Variants in KHNYN observed in about 807,000 individuals in gnomAD.
KHNYN encodes the protein protein KHNYN.
In KHNYN, 42 loss-of-function variants were observed where a neutral mutation model predicts 62.7. That is an observed-to-expected ratio of 0.67 (90% CI 0.52 to 0.87). The LOEUF (loss-of-function observed/expected upper bound fraction) is 0.87. KHNYN is among the 40% of genes least tolerant of loss of function. KHNYN has a pLI of 0.00. For synonymous variants in KHNYN, 347 were observed against 345.6 expected (o/e 1.00, Z -0.04); for missense variants, 829 against 874.1 (o/e 0.95, Z 0.65).
At position 24,436,436 on chromosome 14, in the gene KHNYN, C is replaced by T; in HGVS notation, c.1734C>T (p.Asp578=). The stretch of plus-strand genomic sequence containing the variant: ...GAAACCTCTTCATGGTACCTGATGA[C>T]CCACTGGGGCGAAACGGCCCCACCC... ...FVGNLFMVPD[D]PLGRNGPTLD... Residue 578 remains aspartate, a synonymous_variant, in exon 7 of 8, where the codon GAC becomes GAT. Coordinates refer to ENST00000553935, the MANE Select transcript of KHNYN (RefSeq NM_015299.3). 1 of 1,613,844 alleles carries T rather than the reference C, an allele frequency of 6.2e-7. No individual in the cohort carries two copies. The highest frequency in any genetic ancestry group is 8.5e-7 in the Non-Finnish European group (1 of 1,179,924).
In KHNYN at chr14:24,440,844, G is replaced by C; in HGVS notation, c.*3559G>C. On this transcript the variant is annotated 3_prime_UTR_variant, in exon 8 of 8. Coordinates refer to ENST00000553935, the MANE Select transcript of KHNYN (RefSeq NM_015299.3). ...GAAGCCTGGCTGCAGCTTCCCATTT[G>C]GTTACGAGGTTGGAGAAAAAGTCAA... 3 of 1,613,964 alleles carry C rather than the reference G, an allele frequency of 1.9e-6. No homozygotes were observed. The highest frequency in any genetic ancestry group is 2.5e-6 in the Non-Finnish European group (3 of 1,179,862).
chr14:24,440,578 C>A lies in KHNYN; in HGVS notation c.*3293C>A. On this transcript the variant is annotated 3_prime_UTR_variant, in exon 8 of 8. Coordinates refer to ENST00000553935, the MANE Select transcript of KHNYN (RefSeq NM_015299.3). Reference sequence around the variant, plus strand: ...CTCCTGGTTTCTGTTTCCCCTTCCTCACTCTCCCCATGCTGACTTGGCTCT... The same window carrying A: ...CTCCTGGTTTCTGTTTCCCCTTCCTAACTCTCCCCATGCTGACTTGGCTCT... The A allele has an allele frequency of 6.8e-7, 1 of 1,476,212 alleles. No individual in the cohort carries two copies. The allele number at this position is 1,476,212 out of a possible 1,614,324, so 91.4% of individuals were successfully genotyped here.
upstream of KHNYN, chr14:24,427,604 C>T: frequency 1.6e-6 from 1 of 629,256 alleles, no homozygotes. The surrounding 1 kb of genome is among the most constrained non-coding windows in gnomAD (Gnocchi z 4.4). Flanking sequence ...GGTGGAAAGG[C>T]CTGGTCTGGA....
Position 24,439,117 on chromosome 14 carries a change from T to C in KHNYN, c.*1832T>C, listed in dbSNP as rs2043252535. The C allele has an allele frequency of 3.3e-5, 5 of 152,156 alleles. No individual in the cohort carries two copies. The highest frequency in any genetic ancestry group is 3.3e-4 in the Admixed American group (5 of 15,264). 9.4% of individuals were successfully genotyped at this position (152,156 alleles called of 1,614,324 possible). On this transcript the variant is annotated 3_prime_UTR_variant, in exon 8 of 8. Coordinates refer to ENST00000553935, the MANE Select transcript of KHNYN (RefSeq NM_015299.3). Reference sequence around the variant, plus strand: ...TGAACTGGTGGCTGGGGGAACTGTGTCTGGTCAAGTTATGGCAGATGTCAC... The same window carrying C: ...TGAACTGGTGGCTGGGGGAACTGTGCCTGGTCAAGTTATGGCAGATGTCAC...
chr14:24,441,420 G>C lies in KHNYN; in HGVS notation c.*4135G>C. 2.0e-6 allele frequency: 1 copy of C among 504,042 alleles called. No individual in the cohort carries two copies. The highest frequency in any genetic ancestry group is 3.5e-6 in the Non-Finnish European group (1 of 288,054). 31.2% of individuals were successfully genotyped at this position (504,042 alleles called of 1,614,324 possible). The stretch of plus-strand genomic sequence containing the variant: ...GGAACTCTGTTCCTAAAGAACTATG[G>C]TGTGAGAAGTAAGGGACTTTGGGAT... On this transcript the variant is annotated 3_prime_UTR_variant, in exon 8 of 8. Coordinates refer to ENST00000553935, the MANE Select transcript of KHNYN (RefSeq NM_015299.3).
At position 24,440,307 on chromosome 14, in the gene KHNYN, G is replaced by A. The variant is rs1199560993; in HGVS notation, c.*3022G>A. ...AACTCAGCATTAGTGGCGGAGGATG[G>A]AGCCACTCCATTCAGGACCCCGTGC... On this transcript the variant is annotated 3_prime_UTR_variant, in exon 8 of 8. Coordinates refer to ENST00000553935, the MANE Select transcript of KHNYN (RefSeq NM_015299.3). 7 of 1,614,016 alleles carry A rather than the reference G, an allele frequency of 4.3e-6. No individual in the cohort carries two copies. The highest frequency in any genetic ancestry group is 5.9e-6 in the Non-Finnish European group (7 of 1,179,880).
upstream of KHNYN, chr14:24,427,487 C>T: frequency 2.8e-6 from 1 of 360,518 alleles, no homozygotes; most frequent in South Asian, 2.8e-5. This position sits in a 1 kb window ranked among gnomAD's most constrained non-coding sequence, Gnocchi z 4.4. Context: ...GGAGCAGAGG[C>T]CGCAAAGTAG....
Position 24,432,739 on chromosome 14 carries a change from A to G in KHNYN, c.1367A>G (p.Tyr456Cys). 4 of 1,614,094 alleles carry G rather than the reference A, an allele frequency of 2.5e-6. No individual in the cohort carries two copies. The South Asian group carries it at 3.3e-5, about 13-fold the overall frequency. The change falls in exon 4 of 8, where the codon TAC (tyrosine) becomes TGC (cysteine). Residue 456 changes from tyrosine to cysteine, a missense_variant. This residue lies in a region of KHNYN where 270 missense variants were observed against 347.1 expected (regional missense o/e 0.78). Coordinates refer to ENST00000553935, the MANE Select transcript of KHNYN (RefSeq NM_015299.3). The surrounding 1 kb of genome is among the most constrained non-coding windows in gnomAD (Gnocchi z 5.6). ...NVAMVHGLQH[Y>C]FSSRGIAIAV... ...CACTACAGGCATGGCCTCCAGCACT[A>G]CTTCTCCAGCCGGGGCATTGCCATT... is the stretch of plus-strand genomic sequence containing the variant.
chr14:24,440,042 A>G lies in KHNYN; in HGVS notation c.*2757A>G, dbSNP rs769317248. On this transcript the variant is annotated 3_prime_UTR_variant, in exon 8 of 8. Transcript: ENST00000553935. ...GCCTATTCACAGTGCCTAACCTGGA[A>G]GCCTGTGAGGAACAGGCCTCAGGCC... The G allele has an allele frequency of 2.6e-6, 4 of 1,512,878 alleles. No individual in the cohort carries two copies. The highest frequency in any genetic ancestry group is 2.7e-6 in the Non-Finnish European group (3 of 1,118,414). 93.7% of individuals were successfully genotyped at this position (1,512,878 alleles called of 1,614,324 possible).
upstream of KHNYN, chr14:24,428,969 G>GC: frequency 6.4e-7 from 1 of 1,551,100 alleles, no homozygotes; most frequent in South Asian, 1.2e-5. Flanking sequence ...GGCCCACCCG[G>GC]CCCCCAGGGC....
chr14:24,434,149 A>C, intron 5 of KHNYN: 1 of 985,134 alleles, frequency 1.0e-6, no homozygotes. Context: ...ACCTGCATTG[A>C]AACAGAATTG....
In KHNYN at chr14:24,432,573, C is replaced by T. The variant is rs140002496; in HGVS notation, c.1312C>T (p.Arg438Cys). The change falls in exon 3 of 8, where the codon CGC becomes TGC. Residue 438 changes from arginine (R) to cysteine (C), a missense_variant. Arg to Cys is a radical substitution (Grantham distance 180). Transcript: ENST00000553935. The surrounding 1 kb of genome is among the most constrained non-coding windows in gnomAD (Gnocchi z 5.6). ...CAATGTGCCTGGCCAGCCAGACCTC[C>T]GCCATATTGTCATTGACGGCAGCAA... Reference protein sequence around the residue: ...LANVPGQPDLRHIVIDGSNVA... With the variant: ...LANVPGQPDLCHIVIDGSNVA... 27 of 1,608,724 alleles carry T rather than the reference C, an allele frequency of 1.7e-5. No homozygotes were observed. Among genetic ancestry groups the T allele is most frequent in the African/African-American group, 1.6e-4 (12 of 74,972 alleles).
chr14:24,435,950 C>A, intron 5 of KHNYN, 122 bp from the exon 6 acceptor site: 1 of 737,960 alleles, frequency 1.4e-6, no homozygotes, highest in Non-Finnish European at 2.4e-6. Flanking sequence ...AGTTTTGCTA[C>A]ATAGATATAT....
intron 1 of KHNYN, 125 bp downstream of exon 1, chr14:24,430,244 C>A: frequency 1.2e-6 from 1 of 808,968 alleles, no homozygotes; most frequent in Non-Finnish European, 1.5e-6. Context: ...CCCCTGGGCC[C>A]TGGGCGGTGC....
chr14:24,432,902 T>G lies in KHNYN; in HGVS notation c.1481-34T>G. The G allele has an allele frequency of 6.2e-7, 1 of 1,614,228 alleles. No individual in the cohort carries two copies. The highest frequency in any genetic ancestry group is 8.5e-7 in the Non-Finnish European group (1 of 1,180,040). On this transcript the variant is annotated intron_variant, in intron 4 of 7. Coordinates refer to ENST00000553935, the MANE Select transcript of KHNYN (RefSeq NM_015299.3). The surrounding 1 kb of genome is among the most constrained non-coding windows in gnomAD (Gnocchi z 5.6). ...TCCCAGGATAGGCTCTGTTTCCACT[T>G]TGAGGAGAACCCTATTATGTTCTTT...
chr14:24,428,812 G>T, upstream of KHNYN: 1 of 1,611,698 alleles, frequency 6.2e-7, no homozygotes, highest in South Asian at 1.1e-5. Context: ...CTGGCTCATG[G>T]TGGTGGCTTC....
In KHNYN at chr14:24,440,049, G is replaced by A; in HGVS notation, c.*2764G>A. ...CACAGTGCCTAACCTGGAAGCCTGTGAGGAACAGGCCTCAGGCCCTTGCCA... is the reference window on the plus strand; with the variant it reads ...CACAGTGCCTAACCTGGAAGCCTGTAAGGAACAGGCCTCAGGCCCTTGCCA... On this transcript the variant is annotated 3_prime_UTR_variant, in exon 8 of 8. Coordinates refer to ENST00000553935, the MANE Select transcript of KHNYN (RefSeq NM_015299.3). The A allele has an allele frequency of 2.0e-6, 3 of 1,534,448 alleles. No individual in the cohort carries two copies. In the South Asian group the frequency reaches 3.7e-5, roughly 19 times the overall value.
rs141900732 is a variant in KHNYN at position 24,436,189 on chromosome 14, C to G, written c.1685+10C>G. ...CAATCATCAGAGAACGGTGAGGGAG[C>G]CCTCCCGCTGAGAACTGGGCACAGA... On this transcript the variant is annotated intron_variant, in intron 6 of 7. Transcript: ENST00000553935. The G allele has an allele frequency of 3.1e-3, 5,024 of 1,604,238 alleles. 12 individuals are homozygous for G. The highest frequency in any genetic ancestry group is 5.2e-3 in the Middle Eastern group (31 of 5,982).
upstream of KHNYN, chr14:24,428,109 G>A (rs552467240): frequency 6.9e-6 from 9 of 1,310,132 alleles, no homozygotes; most frequent in East Asian, 4.6e-5. Flanking sequence ...GCTGAGGGGC[G>A]GCCAGCATTG....
Sources: allele counts gnomAD v4.1 joint callset, GRCh38; gene constraint gnomAD v4.1.1; regional missense constraint gnomAD v4.1.1; non-coding constraint Gnocchi (gnomAD v3.1); transcripts MANE v1.5; gene names NCBI Gene and HGNC (gene_info 2026-07-23, HGNC 2026-07-21).